Variants in PAFAH1B1 observed in about 807,000 individuals in gnomAD.
The protein encoded by PAFAH1B1 is platelet activating factor acetylhydrolase 1b regulatory subunit 1.
A neutral mutation model predicts 57.5 loss-of-function variants in PAFAH1B1; 2 were observed. The ratio of observed to expected loss-of-function variants is 0.03; its 90% CI spans 0.01 to 0.11. PAFAH1B1 has a LOEUF of 0.11. Among genes scored for constraint, PAFAH1B1 ranks in the 10% least tolerant of loss-of-function variants. The pLI is 1.00. For missense variants in PAFAH1B1, 257 were observed against 512.0 expected (o/e 0.50, Z 4.81); for synonymous variants, 152 against 169.6 (o/e 0.90, Z 0.81).
chr17:2,627,235 A>G (rs893385544), intron 1 of PAFAH1B1, among the ~76,000 whole-genome samples: 7 of 152,196 alleles, frequency 4.6e-5, no homozygotes, highest in South Asian at 2.1e-4. Context: ...TCTTAGGTTT[A>G]AGTCCTTAAT....
intron 1 of PAFAH1B1, among the ~76,000 whole-genome samples, chr17:2,596,530 A>C (rs539847504): frequency 6.6e-6 from 1 of 152,224 alleles, no homozygotes; most frequent in Non-Finnish European, 1.5e-5. Flanking sequence ...CCCTGTATCA[A>C]GCATTCACAT....
At chr17:2,607,971 GTATATC>G (rs2068225473) in intron 1 of PAFAH1B1, among the ~76,000 whole-genome samples, 1 of 152,018 alleles carries the variant, frequency 6.6e-6, no homozygotes, top group African/African-American at 2.4e-5. Context: ...ATATTCTACT[GTATATC>G]TATATTAATC....
chr17:2,621,429 G>T (rs1360830444), intron 1 of PAFAH1B1, among the ~76,000 whole-genome samples: 1 of 152,156 alleles, frequency 6.6e-6, no homozygotes, highest in Non-Finnish European at 1.5e-5. Flanking sequence ...AGGTGTCATG[G>T]AACCCAGCTT....
chr17:2,610,741 C>T (rs1419972312), intron 1 of PAFAH1B1, among the ~76,000 whole-genome samples: 1 of 152,212 alleles, frequency 6.6e-6, no homozygotes, highest in Non-Finnish European at 1.5e-5. Flanking sequence ...TAGAGTTTCT[C>T]ATGGGGCTCT....
chr17:2,638,048 GAAAT>G, intron 1 of PAFAH1B1, 47 bp from the exon 2 acceptor site: 1 of 484,148 alleles, frequency 2.1e-6, no homozygotes, highest in Non-Finnish European at 3.7e-6. Flanking sequence ...TAATAATTTA[GAAAT>G]AAATTTTAAG....
At chr17:2,624,294 A>G (rs1567533634) in intron 1 of PAFAH1B1, among the ~76,000 whole-genome samples, 3 of 152,180 alleles carry the variant, frequency 2.0e-5, no homozygotes, top group East Asian at 1.9e-4. Flanking sequence ...AACTGTTCCA[A>G]ACTCTGCCTG....
At chr17:2,618,631 TTTTA>T (rs2068378456) in intron 1 of PAFAH1B1, among the ~76,000 whole-genome samples, 1 of 151,820 alleles carries the variant, frequency 6.6e-6, no homozygotes, top group Non-Finnish European at 1.5e-5. Flanking sequence ...AATGATGGAG[TTTTA>T]TTTATTTATG....
intron 5 of PAFAH1B1, among the ~76,000 whole-genome samples, chr17:2,668,464 A>G (rs1028284977): frequency 3.3e-5 from 5 of 152,076 alleles, no homozygotes; most frequent in African/African-American, 1.2e-4. Flanking sequence ...AGGTGGGAGG[A>G]CTGCTTGAGC....
intron 3 of PAFAH1B1, 69 bp from the exon 4 acceptor site, chr17:2,665,941 TTAAAGA>T: frequency 7.6e-7 from 1 of 1,313,176 alleles, no homozygotes; most frequent in South Asian, 1.4e-5. Flanking sequence ...ATATTTGGAC[TTAAAGA>T]TGAATGATCT....
chr17:2,684,372 CAAT>C lies in PAFAH1B1; in HGVS notation c.*2571_*2573del, dbSNP rs2069437663. The C allele has an allele frequency of 6.5e-6, 1 of 152,672 alleles. No homozygotes were observed. The highest frequency in any genetic ancestry group is 1.5e-5 in the Non-Finnish European group (1 of 68,108). 9.5% of individuals were successfully genotyped at this position (152,672 alleles called of 1,614,324 possible). On this transcript the variant is annotated 3_prime_UTR_variant, in exon 11 of 11. Coordinates refer to ENST00000397195, the MANE Select transcript of PAFAH1B1 (RefSeq NM_000430.4). The stretch of plus-strand genomic sequence containing the variant: ...CCCTGTGCCTTGCCTGGGATAAGGA[CAAT>C]GATGAGGTTACTGGTTTGGATTGTA...
Position 2,593,812 on chromosome 17 carries a change from T to G in PAFAH1B1, c.-385T>G. 1 of 393,680 alleles carries G rather than the reference T, an allele frequency of 2.5e-6. No individual in the cohort carries two copies. 24.4% of individuals were successfully genotyped at this position (393,680 alleles called of 1,614,324 possible). A position where few individuals can be genotyped will look rare whatever the true frequency, so the allele number is the denominator to read the frequency against. On this transcript the variant is annotated 5_prime_UTR_variant, in exon 1 of 11. Coordinates refer to ENST00000397195, the MANE Select transcript of PAFAH1B1 (RefSeq NM_000430.4). ...GAAACCGCGAGCGCCGAGCTTGGAC[T>G]CGAGCCCCGGAACGGCTGAGGAGCC...
chr17:2,667,242 G>T (rs527374080), intron 5 of PAFAH1B1, 44 bp downstream of exon 5: 7 of 1,467,548 alleles, frequency 4.8e-6, no homozygotes, highest in Non-Finnish European at 6.7e-6. Flanking sequence ...GCTGAAGCAG[G>T]AGAATGGCAT....
chr17:2,658,924 C>G (rs570187038), intron 2 of PAFAH1B1, among the ~76,000 whole-genome samples: 1 of 152,100 alleles, frequency 6.6e-6, no homozygotes, highest in Non-Finnish European at 1.5e-5. Context: ...GCTGCCCTTT[C>G]CCTGAAGAGT....
chr17:2,655,402 A>G (rs2068923620), intron 2 of PAFAH1B1, among the ~76,000 whole-genome samples: 2 of 152,154 alleles, frequency 1.3e-5, no homozygotes, highest in African/African-American at 4.8e-5. Context: ...GGCCAGGCAC[A>G]GTGGCTCACT....
chr17:2,602,807 G>A (rs73976558), intron 1 of PAFAH1B1, among the ~76,000 whole-genome samples: 12,608 of 152,200 alleles, frequency 0.083, 1,397 homozygotes, highest in African/African-American at 0.25. Context: ...ACAAGTATTC[G>A]TTTACTCCTC....
chr17:2,610,254 T>G (rs898670964), intron 1 of PAFAH1B1, among the ~76,000 whole-genome samples: 6 of 152,220 alleles, frequency 3.9e-5, no homozygotes, highest in African/African-American at 1.4e-4. Flanking sequence ...TAAAGCAATT[T>G]ATGAGGATGC....
Position 2,683,125 on chromosome 17 carries a change from A to T in PAFAH1B1, c.*1323A>T, listed in dbSNP as rs1433333094. The T allele has an allele frequency of 6.6e-6, 1 of 152,212 alleles. No homozygotes were observed. The highest frequency in any genetic ancestry group is 1.5e-5 in the Non-Finnish European group (1 of 68,042). The allele number at this position is 152,212 out of a possible 1,614,324, so 9.4% of individuals were successfully genotyped here. ...GGGGATTTTTTTCCAGCCGAAGGAA[A>T]ATCACTTCCGTTATGTCCCCCTCTA... On this transcript the variant is annotated 3_prime_UTR_variant, in exon 11 of 11. Coordinates refer to ENST00000397195, the MANE Select transcript of PAFAH1B1 (RefSeq NM_000430.4).
At chr17:2,660,694 A>C (rs1567552027) in intron 2 of PAFAH1B1, among the ~76,000 whole-genome samples, 3 of 152,144 alleles carry the variant, frequency 2.0e-5, no homozygotes, top group Non-Finnish European at 2.9e-5. Flanking sequence ...TGCTGTTGTA[A>C]ATAGTGCTGC....
intron 6 of PAFAH1B1, 63 bp from the exon 7 acceptor site, chr17:2,672,592 A>G (rs778665162): frequency 8.1e-6 from 9 of 1,104,716 alleles, no homozygotes; most frequent in East Asian, 4.8e-5. Flanking sequence ...CCCATGGTCA[A>G]TTGATGTTTC....
Sources: allele counts gnomAD v4.1 joint callset (sites outside exome capture counted in the v4.1 genomes callset), GRCh38; gene constraint gnomAD v4.1.1; transcripts MANE v1.5; gene names NCBI Gene and HGNC (gene_info 2026-07-23, HGNC 2026-07-21).